The following CLASP1 variants were observed in gnomAD, a reference collection of about 807,000 sequenced individuals.
The protein encoded by CLASP1 is cytoplasmic linker associated protein 1.
Under a neutral mutation model 192.3 loss-of-function variants are expected in CLASP1, and 38 were observed. The observed-to-expected ratio is 0.20, with a 90% CI of 0.15 to 0.26. The LOEUF (loss-of-function observed/expected upper bound fraction) is 0.26, where lower values mean the gene tolerates loss of function less well. Among genes scored for constraint, CLASP1 ranks in the 10% least tolerant of loss-of-function variants. CLASP1 has a pLI of 1.00. For missense variants in CLASP1, 1,433 were observed against 1,932.5 expected (o/e 0.74, Z 4.85); for synonymous variants, 691 against 712.8 (o/e 0.97, Z 0.49).
intron 8 of CLASP1, among the ~76,000 whole-genome samples, chr2:121,479,545 A>G (rs147232649): frequency 1.1e-3 from 172 of 152,324 alleles, no homozygotes; most frequent in African/African-American, 4.0e-3. Context: ...TATCCAAACT[A>G]TATTCCTTGC....
intron 8 of CLASP1, among the ~76,000 whole-genome samples, chr2:121,492,687 A>C (rs1331078934): frequency 6.6e-6 from 1 of 151,986 alleles, no homozygotes; most frequent in Non-Finnish European, 1.5e-5. Flanking sequence ...AAAAAAAAAA[A>C]AACAAGCATT....
intron 23 of CLASP1, among the ~76,000 whole-genome samples, chr2:121,413,536 A>G (rs145014891): frequency 2.2e-4 from 33 of 152,328 alleles, no homozygotes; most frequent in African/African-American, 7.5e-4. Flanking sequence ...GTATTGCTAA[A>G]CAGAGCTGAG....
At chr2:121,532,224 C>T (rs1214480160) in intron 2 of CLASP1, among the ~76,000 whole-genome samples, 1 of 152,138 alleles carries the variant, frequency 6.6e-6, no homozygotes, top group East Asian at 1.9e-4. Context: ...GGCTACTTGA[C>T]AATATTGAAG....
chr2:121,633,444 C>T (rs960993049), intron 1 of CLASP1, among the ~76,000 whole-genome samples: 4 of 152,072 alleles, frequency 2.6e-5, no homozygotes, highest in South Asian at 2.1e-4. Flanking sequence ...AACCCCTCCC[C>T]GCAAATTCCA....
intron 28 of CLASP1, among the ~76,000 whole-genome samples, chr2:121,400,946 A>G (rs185224351): frequency 1.4e-3 from 208 of 152,358 alleles, no homozygotes; most frequent in Admixed American, 2.1e-3. Flanking sequence ...CATAGACAAT[A>G]GAGAAGCGGT....
intron 8 of CLASP1, among the ~76,000 whole-genome samples, chr2:121,498,605 T>C (rs753424918): frequency 4.6e-5 from 7 of 152,156 alleles, no homozygotes; most frequent in Non-Finnish European, 1.0e-4. Context: ...AGTGACACTA[T>C]CAAGAAAGTG....
At position 121,527,562 on chromosome 2, in the gene CLASP1, T is replaced by C. The variant is rs573262087; in HGVS notation, c.470+237A>G. Among the ~76,000 whole-genome samples, 41 of 152,244 alleles carry C rather than the reference T, an allele frequency of 2.7e-4. No individual in the cohort carries two copies. In the South Asian group the frequency reaches 8.1e-3, roughly 30 times the overall value. ...AGTTGTATATACACACAAATGCACA[T>C]GTGGTTTTACCTGAGAAATTTGCGC... is the stretch of plus-strand genomic sequence containing the variant. On this transcript the variant is annotated intron_variant, in intron 5 of 39. Transcript: ENST00000263710.
intron 17 of CLASP1, among the ~76,000 whole-genome samples, chr2:121,448,729 G>C (rs912614301): frequency 6.6e-6 from 1 of 152,130 alleles, no homozygotes; most frequent in Admixed American, 6.5e-5. Context: ...CTGTATTCTA[G>C]GACTGCCGTA....
chr2:121,412,945 C>A (rs2077967315), intron 23 of CLASP1, among the ~76,000 whole-genome samples: 1 of 152,152 alleles, frequency 6.6e-6, no homozygotes, highest in Non-Finnish European at 1.5e-5. Flanking sequence ...CCCTAATCTT[C>A]AGGGAAATGT....
At chr2:121,462,703 G>A in intron 9 of CLASP1, 98 bp from the exon 10 acceptor site, 1 of 706,710 alleles carries the variant, frequency 1.4e-6, no homozygotes, top group South Asian at 1.9e-5. Context: ...ATTACATTTT[G>A]GAAGATTCAG....
intron 28 of CLASP1, among the ~76,000 whole-genome samples, chr2:121,401,182 G>A (rs1394428332): frequency 2.0e-5 from 3 of 152,042 alleles, no homozygotes; most frequent in Admixed American, 6.6e-5. Context: ...AAAATACTAA[G>A]GTCTTCAGAG....
At chr2:121,401,156 G>C (rs977985974) in intron 28 of CLASP1, among the ~76,000 whole-genome samples, 2 of 152,166 alleles carry the variant, frequency 1.3e-5, no homozygotes, top group Non-Finnish European at 2.9e-5. Context: ...AGTAAGACTT[G>C]TAAGTTGAAG....
intron 34 of CLASP1, among the ~76,000 whole-genome samples, chr2:121,368,103 G>C (rs2067797242): frequency 6.6e-6 from 1 of 152,110 alleles, no homozygotes; most frequent in Non-Finnish European, 1.5e-5. Flanking sequence ...GATGTTTTCT[G>C]AGGGATGAAA....
chr2:121,437,846 A>G (rs1252741312), intron 19 of CLASP1, among the ~76,000 whole-genome samples: 1 of 152,174 alleles, frequency 6.6e-6, no homozygotes, highest in African/African-American at 2.4e-5. Flanking sequence ...TGACCCTGAC[A>G]TACCAGGGCT....
chr2:121,470,072 C>T, intron 8 of CLASP1, 112 bp from the exon 9 acceptor site: 1 of 903,984 alleles, frequency 1.1e-6, no homozygotes, highest in Non-Finnish European at 1.7e-6. Flanking sequence ...ACTGATTCTG[C>T]ATACTCTTTT....
At chr2:121,478,822 A>C (rs1219334836) in intron 8 of CLASP1, among the ~76,000 whole-genome samples, 3 of 2,958 alleles carry the variant, frequency 1.0e-3, no homozygotes, top group Non-Finnish European at 1.6e-3. Flanking sequence ...CCCACACACA[A>C]CCACACACCA....
At chr2:121,628,360 A>AT (rs997459076) in intron 1 of CLASP1, among the ~76,000 whole-genome samples, 5 of 152,132 alleles carry the variant, frequency 3.3e-5, no homozygotes, top group African/African-American at 1.2e-4. Flanking sequence ...CTAGTCCTAC[A>AT]TTTTCAAAAA....
chr2:121,576,361 A>C (rs1405536158), intron 2 of CLASP1, among the ~76,000 whole-genome samples: 1 of 152,242 alleles, frequency 6.6e-6, no homozygotes, highest in African/African-American at 2.4e-5. Flanking sequence ...GGATTTCAAA[A>C]ACAAAACACA....
intron 19 of CLASP1, among the ~76,000 whole-genome samples, chr2:121,440,231 CCT>C (rs1043833505): frequency 1.3e-5 from 2 of 151,928 alleles, no homozygotes; most frequent in African/African-American, 4.8e-5. Flanking sequence ...GCTTAAAGGG[CCT>C]CTGTTGTGTT....
Sources: allele counts gnomAD v4.1 joint callset (sites outside exome capture counted in the v4.1 genomes callset), GRCh38; gene constraint gnomAD v4.1.1; transcripts MANE v1.5; gene names NCBI Gene and HGNC (gene_info 2026-07-23, HGNC 2026-07-21).